Variants in EYS observed in about 807,000 individuals in gnomAD.
EYS encodes the protein protein eyes shut homolog.
Under a neutral mutation model 282.1 loss-of-function variants are expected in EYS, and 250 were observed. That is an observed-to-expected ratio of 0.89 (90% CI 0.80 to 0.98). The LOEUF is 0.98. Ranked by LOEUF, EYS falls within the 50% of genes least tolerant of loss-of-function variation. EYS has a pLI of 0.00. For synonymous variants in EYS, 1,355 were observed against 1,282.9 expected (o/e 1.06, Z -1.20); for missense variants, 4,016 against 3,709.0 (o/e 1.08, Z -2.15).
At chr6:65,021,885 A>T (rs558200263) in intron 13 of EYS, among the ~76,000 whole-genome samples, 1 of 152,274 alleles carries the variant, frequency 6.6e-6, no homozygotes, top group Admixed American at 6.5e-5. Flanking sequence ...TGAGCAAAAG[A>T]GGGGAAAGCC....
intron 15 of EYS, among the ~76,000 whole-genome samples, chr6:64,941,379 C>CAA (rs201037781): frequency 6.7e-6 from 1 of 148,508 alleles, no homozygotes; most frequent in South Asian, 2.1e-4. Context: ...GAGTCTGCCT[C>CAA]AAAAAAAAAA....
chr6:64,140,408 G>A (rs1774303508), intron 31 of EYS, among the ~76,000 whole-genome samples: 1 of 152,178 alleles, frequency 6.6e-6, no homozygotes, highest in African/African-American at 2.4e-5. Context: ...TTTAATATTA[G>A]TAGTTCTGGT....
At chr6:64,733,112 A>G (rs369010070) in intron 22 of EYS, 16 of 152,150 alleles carry the variant, frequency 1.1e-4, no homozygotes, top group African/African-American at 3.9e-4. Flanking sequence ...AGCCCTGGAG[A>G]ACAACTAACT....
At chr6:64,524,905 G>A (rs1314426034) in intron 26 of EYS, among the ~76,000 whole-genome samples, 1 of 151,662 alleles carries the variant, frequency 6.6e-6, no homozygotes, top group Non-Finnish European at 1.5e-5. Context: ...CATACACATG[G>A]CCAACAAGCA....
At chr6:63,735,055 C>T (rs1250678417) in intron 41 of EYS, among the ~76,000 whole-genome samples, 1 of 152,062 alleles carries the variant, frequency 6.6e-6, no homozygotes, top group Non-Finnish European at 1.5e-5. Context: ...TTTACATTTA[C>T]AGACTTGCTC....
In EYS at chr6:65,390,119, G is replaced by A. The variant is rs139654899; in HGVS notation, c.1185-5619C>T. Among the ~76,000 whole-genome samples, 954 of 152,026 alleles carry A rather than the reference G, an allele frequency of 6.3e-3. 46 individuals carry two copies. The highest frequency in any genetic ancestry group is 0.055 in the Admixed American group (841 of 15,228). ...TTTCAGGGTGTGCAATTACAGGCAT[G>A]ATAACTTATAGGATAAGACCATGGG... is the stretch of plus-strand genomic sequence containing the variant. On this transcript the variant is annotated intron_variant, in intron 7 of 42. Coordinates refer to ENST00000503581, the MANE Select transcript of EYS (RefSeq NM_001142800.2).
At chr6:63,833,643 T>C (rs1771711942) in intron 36 of EYS, among the ~76,000 whole-genome samples, 1 of 152,174 alleles carries the variant, frequency 6.6e-6, no homozygotes, top group Admixed American at 6.5e-5. Context: ...CCCAAGGTAA[T>C]TTTTAGATTC....
Position 65,407,762 on chromosome 6 carries a change from TGTGTG to T in EYS, c.863-2400_863-2396del, listed in dbSNP as rs1766814745. ...ATAAGTCCGTGTGTGTGTGTGTGTG[TGTGTG>T]TGTGTGTGTGTGTGTGTGTATGTCT... On this transcript the variant is annotated intron_variant, in intron 5 of 42. Coordinates refer to ENST00000503581, the MANE Select transcript of EYS (RefSeq NM_001142800.2). Among the ~76,000 whole-genome samples, 8 of 151,024 alleles carry T rather than the reference TGTGTG, an allele frequency of 5.3e-5. No individual in the cohort carries two copies. The Middle Eastern group carries it at 0.01, about 194-fold the overall frequency.
chr6:64,785,430 T>C (rs1470358199), intron 22 of EYS, among the ~76,000 whole-genome samples: 1 of 152,174 alleles, frequency 6.6e-6, no homozygotes, highest in Non-Finnish European at 1.5e-5. Context: ...ACAAATTACC[T>C]AAGGTCATTT....
chr6:64,082,002 T>C lies in EYS; in HGVS notation c.6425A>G (p.Asp2142Gly). The C allele has an allele frequency of 6.5e-7, 1 of 1,530,426 alleles. No homozygotes were observed. The highest frequency in any genetic ancestry group is 1.2e-5 in the South Asian group (1 of 82,416). 94.8% of individuals were successfully genotyped at this position (1,530,426 alleles called of 1,614,324 possible). ...LHFTGRFCEK[D>G]AGLFFPSFNG... ...GAAAGATGGAAAGAATAAACCTGCA[T>C]CTAAAAAAGAAAATGGTATTAATAT... Residue 2142 changes from aspartate (D) to glycine (G), a missense_variant and splice_region_variant, in exon 32 of 43, where the codon GAT (aspartate) becomes GGT (glycine). Coordinates refer to ENST00000503581, the MANE Select transcript of EYS (RefSeq NM_001142800.2).
At chr6:63,829,658 G>A (rs1186647011) in intron 36 of EYS, among the ~76,000 whole-genome samples, 2 of 152,172 alleles carry the variant, frequency 1.3e-5, no homozygotes, top group African/African-American at 2.4e-5. Flanking sequence ...TGAACAAAAG[G>A]CAGCAGAAAC....
At chr6:65,046,290 A>T (rs1773097433) in intron 13 of EYS, among the ~76,000 whole-genome samples, 1 of 151,940 alleles carries the variant, frequency 6.6e-6, no homozygotes, top group Non-Finnish European at 1.5e-5. Context: ...AGACTCTTCC[A>T]GGGAAAAGAG....
chr6:64,589,391 T>C (rs1199851965), intron 26 of EYS, among the ~76,000 whole-genome samples: 2 of 152,038 alleles, frequency 1.3e-5, no homozygotes, highest in Non-Finnish European at 2.9e-5. Context: ...TATAAGTTTA[T>C]TGTCAAAGGA....
chr6:65,559,706 C>A (rs1768959647), intron 2 of EYS, among the ~76,000 whole-genome samples: 1 of 151,854 alleles, frequency 6.6e-6, no homozygotes, highest in Admixed American at 6.6e-5. Flanking sequence ...ATTTAAATAC[C>A]ATGTTTAATT....
chr6:64,158,399 GAAA>G (rs899010582), intron 31 of EYS, among the ~76,000 whole-genome samples: 1 of 151,712 alleles, frequency 6.6e-6, no homozygotes, highest in African/African-American at 2.4e-5. Context: ...TTGATGCTGA[GAAA>G]AAAAACCTAC....
chr6:63,935,612 G>A (rs1209779967), intron 35 of EYS, among the ~76,000 whole-genome samples: 5 of 152,216 alleles, frequency 3.3e-5, no homozygotes, highest in African/African-American at 9.7e-5. Flanking sequence ...AAGGCCACGT[G>A]AGGAAAGACC....
At chr6:65,631,287 G>A (rs921464564) in intron 2 of EYS, among the ~76,000 whole-genome samples, 3 of 152,128 alleles carry the variant, frequency 2.0e-5, no homozygotes, top group Admixed American at 6.5e-5. Context: ...GGGGCTGGGT[G>A]GTGAGTTTCA....
chr6:64,895,196 A>G (rs1256425505), intron 18 of EYS, among the ~76,000 whole-genome samples: 1 of 152,144 alleles, frequency 6.6e-6, no homozygotes, highest in African/African-American at 2.4e-5. Context: ...ATTGTTGGAA[A>G]ATTAAACAGG....
intron 7 of EYS, among the ~76,000 whole-genome samples, chr6:65,393,272 C>T (rs2055507): frequency 0.21 from 31,201 of 151,840 alleles, 3,348 homozygotes; most frequent in South Asian, 0.35. Context: ...TGTATACATA[C>T]GTAACTAACC....
Sources: allele counts gnomAD v4.1 joint callset (sites outside exome capture counted in the v4.1 genomes callset), GRCh38; gene constraint gnomAD v4.1.1; transcripts MANE v1.5; gene names NCBI Gene and HGNC (gene_info 2026-07-23, HGNC 2026-07-21).